KIT: variants seen among roughly 807,000 people sequenced by gnomAD.
KIT encodes the protein KIT proto-oncogene, receptor tyrosine kinase.
A neutral mutation model predicts 105.7 loss-of-function variants in KIT; 16 were observed. The ratio of observed to expected loss-of-function variants is 0.15; its 90% CI spans 0.10 to 0.23. The LOEUF (loss-of-function observed/expected upper bound fraction) is 0.23, where lower values mean the gene tolerates loss of function less well. Among genes scored for constraint, KIT ranks in the 10% least tolerant of loss-of-function variants. The probability of loss-of-function intolerance (pLI) is 1.00; values close to 1 mark genes in which losing one functional copy is unlikely to be tolerated. For synonymous variants in KIT, 438 were observed against 441.1 expected (o/e 0.99, Z 0.09); for missense variants, 858 against 1,213.8 (o/e 0.71, Z 4.36).
chr4:54,688,396 T>C (rs1719465906), intron 1 of KIT, among the ~76,000 whole-genome samples: 1 of 151,870 alleles, frequency 6.6e-6, no homozygotes, highest in African/African-American at 2.4e-5. Context: ...CCAGTCACAG[T>C]TCTTCCTGCT....
rs1722352667 is a variant in KIT, at chr4:54,728,045, G to A, written c.1914G>A (p.Met638Ile). Residue 638 changes from methionine to isoleucine, a missense_variant, in exon 13 of 21, where the codon ATG becomes ATA. Met to Ile is a conservative substitution (Grantham distance 10). This residue lies in a region of KIT where 158 missense variants were observed against 218.7 expected (regional missense o/e 0.72). Coordinates refer to ENST00000288135, the MANE Select transcript of KIT (RefSeq NM_000222.3). ...ATTTGACAGAACGGGAAGCCCTCAT[G>A]TCTGAACTCAAAGTCCTGAGTTACC... ...SAHLTEREAL[M>I]SELKVLSYLG... 2.5e-6 allele frequency: 4 copies of A among 1,614,058 alleles called. No individual in the cohort carries two copies. The highest frequency in any genetic ancestry group is 3.4e-6 in the Non-Finnish European group (4 of 1,179,970).
At position 54,703,874 on chromosome 4, in the gene KIT, A is replaced by T; in HGVS notation, c.907A>T (p.Thr303Ser). Residue 303 changes from threonine to serine, a missense_variant, in exon 5 of 21, where the codon ACA (threonine) becomes TCA (serine). Around this residue, in one of 7 missense-constraint regions of KIT, gnomAD observed 401 missense variants for 601.0 expected, o/e 0.67. Coordinates refer to ENST00000288135, the MANE Select transcript of KIT (RefSeq NM_000222.3). ...TACTTTTGGATCAGCAAATGTCACA[A>T]CAACCTTGGAAGTAGTAGGTAAATA... The part of the protein sequence containing the change: ...NNTFGSANVT[T>S]TLEVVDKGFI... 1 of 1,613,718 alleles carries T rather than the reference A, an allele frequency of 6.2e-7. No homozygotes were observed. The highest frequency in any genetic ancestry group is 8.5e-7 in the Non-Finnish European group (1 of 1,179,596).
rs1206300879 is a variant in KIT at position 54,727,550 on chromosome 4, T to C, written c.1774+8T>C. The C allele has an allele frequency of 1.2e-6, 2 of 1,613,942 alleles. No individual in the cohort carries two copies. The highest frequency in any genetic ancestry group is 1.7e-6 in the Non-Finnish European group (2 of 1,179,972). ...GAAACAGGCTGAGTTTTGGTCAGTA[T>C]GAAACAGGGGCTTTCCATGTCACCT... On this transcript the variant is annotated splice_region_variant and intron_variant, in intron 11 of 20. Coordinates refer to ENST00000288135, the MANE Select transcript of KIT (RefSeq NM_000222.3).
chr4:54,699,875 A>G (rs977160132), intron 4 of KIT, 109 bp downstream of exon 4: 3 of 1,191,648 alleles, frequency 2.5e-6, no homozygotes, highest in South Asian at 1.2e-5. Context: ...CGTCTGTCAG[A>G]GGTGGATTGT....
chr4:54,720,292 A>G (rs1168792706), intron 7 of KIT, among the ~76,000 whole-genome samples: 1 of 152,192 alleles, frequency 6.6e-6, no homozygotes, highest in Non-Finnish European at 1.5e-5. Flanking sequence ...CAGCAGGACA[A>G]AAGCTGCTCA....
At chr4:54,693,433 G>C (rs1305183833) in intron 1 of KIT, among the ~76,000 whole-genome samples, 1 of 151,990 alleles carries the variant, frequency 6.6e-6, no homozygotes, top group African/African-American at 2.4e-5. Flanking sequence ...TCAATGCTTG[G>C]TTGGTTCCTC....
chr4:54,692,060 G>C (rs2703466), intron 1 of KIT, among the ~76,000 whole-genome samples: 5,835 of 152,250 alleles, frequency 0.038, 387 homozygotes, highest in African/African-American at 0.13. Context: ...CCAAAACATA[G>C]TTCTAAGAGC....
chr4:54,700,061 TAAA>T (rs978352922), intron 4 of KIT, among the ~76,000 whole-genome samples: 1 of 152,212 alleles, frequency 6.6e-6, no homozygotes, highest in Non-Finnish European at 1.5e-5. Context: ...GTTAGGGACT[TAAA>T]AAACATGGTT....
chr4:54,705,421 T>C (rs1468899951), intron 5 of KIT, among the ~76,000 whole-genome samples: 1 of 152,202 alleles, frequency 6.6e-6, no homozygotes, highest in Non-Finnish European at 1.5e-5. Flanking sequence ...TTGGTATCAC[T>C]CTTTTTTTAA....
chr4:54,683,513 C>T (rs753311646), intron 1 of KIT, among the ~76,000 whole-genome samples: 1 of 152,144 alleles, frequency 6.6e-6, no homozygotes, highest in Non-Finnish European at 1.5e-5. Flanking sequence ...ACCCCCAAAA[C>T]CCAAGTGTAA....
chr4:54,727,560 G>A lies in KIT; in HGVS notation c.1774+18G>A, dbSNP rs1722317739. 1 of 1,613,958 alleles carries A rather than the reference G, an allele frequency of 6.2e-7. No individual in the cohort carries two copies. The highest frequency in any genetic ancestry group is 1.1e-5 in the South Asian group (1 of 91,072). On this transcript the variant is annotated intron_variant, in intron 11 of 20. Coordinates refer to ENST00000288135, the MANE Select transcript of KIT (RefSeq NM_000222.3). ...GAGTTTTGGTCAGTATGAAACAGGG[G>A]CTTTCCATGTCACCTTTTTGGGTAC...
At chr4:54,665,278 C>T (rs1263419727) in intron 1 of KIT, among the ~76,000 whole-genome samples, 1 of 152,138 alleles carries the variant, frequency 6.6e-6, no homozygotes, top group Non-Finnish European at 1.5e-5. Context: ...TTCTGTTTAC[C>T]TGTTCCTCCT....
At chr4:54,661,061 T>C (rs1717226450) in intron 1 of KIT, among the ~76,000 whole-genome samples, 1 of 152,150 alleles carries the variant, frequency 6.6e-6, no homozygotes, top group African/African-American at 2.4e-5. Context: ...GTTAGCTATC[T>C]CATTCCAGTT....
rs374483663 is a variant in KIT, at chr4:54,695,807, T to C, written c.337+26T>C. Reference sequence around the variant, plus strand: ...GTAAATGCTTGGCTTTCTGCAGTGCTGTGCTTTCAAGAATTTAATATCCTG... The same window carrying C: ...GTAAATGCTTGGCTTTCTGCAGTGCCGTGCTTTCAAGAATTTAATATCCTG... On this transcript the variant is annotated intron_variant, in intron 2 of 20. Coordinates refer to ENST00000288135, the MANE Select transcript of KIT (RefSeq NM_000222.3). 1.9e-6 allele frequency: 3 copies of C among 1,613,870 alleles called. No individual in the cohort carries two copies. The African/African-American group carries it at 4.0e-5, about 22-fold the overall frequency.
chr4:54,688,480 T>C (rs1298163843), intron 1 of KIT, among the ~76,000 whole-genome samples: 7 of 151,932 alleles, frequency 4.6e-5, no homozygotes, highest in South Asian at 2.1e-4. Flanking sequence ...TAGTTCCTTA[T>C]ATTTGTGTCC....
At chr4:54,720,480 C>G (rs1207858325) in intron 7 of KIT, among the ~76,000 whole-genome samples, 1 of 152,162 alleles carries the variant, frequency 6.6e-6, no homozygotes, top group African/African-American at 2.4e-5. Context: ...GTAACCAAAG[C>G]TAAATGGAAT....
Position 54,727,549 on chromosome 4 carries a change from A to G in KIT, c.1774+7A>G, listed in dbSNP as rs1310181400. On this transcript the variant is annotated splice_region_variant and intron_variant, in intron 11 of 20. Coordinates refer to ENST00000288135, the MANE Select transcript of KIT (RefSeq NM_000222.3). ...AGAAACAGGCTGAGTTTTGGTCAGT[A>G]TGAAACAGGGGCTTTCCATGTCACC... 6.2e-7 allele frequency: 1 copy of G among 1,614,068 alleles called. No individual in the cohort carries two copies. The highest frequency in any genetic ancestry group is 1.3e-5 in the African/African-American group (1 of 75,046).
At position 54,731,863 on chromosome 4, in the gene KIT, C is replaced by T. The variant is rs199817515; in HGVS notation, c.2234-8C>T. 331 of 1,613,176 alleles carry T rather than the reference C, an allele frequency of 2.1e-4. 3 individuals carry two copies. The Admixed American group carries it at 5.4e-3, about 26-fold the overall frequency. ...TAATTGCTAAGAAAAATCCTCTCTT[C>T]CTCACAGGCTCATACATAGAAAGAG... On this transcript the variant is annotated splice_region_variant and splice_polypyrimidine_tract_variant and intron_variant, in intron 15 of 20. Transcript: ENST00000288135.
chr4:54,736,757 A>G lies in KIT; in HGVS notation c.2633A>G (p.Lys878Arg), dbSNP rs1379854779. 5 of 1,614,056 alleles carry G rather than the reference A, an allele frequency of 3.1e-6. No individual in the cohort carries two copies. In the African/African-American group the frequency reaches 5.3e-5, roughly 17 times the overall value. ...TATCCTGGAATGCCGGTCGATTCTAAGTTCTACAAGATGATCAAGGAAGGC... is the reference window on the plus strand; with the variant it reads ...TATCCTGGAATGCCGGTCGATTCTAGGTTCTACAAGATGATCAAGGAAGGC... Reference protein sequence around the residue: ...SPYPGMPVDSKFYKMIKEGFR... With the variant: ...SPYPGMPVDSRFYKMIKEGFR... Residue 878 changes from lysine (K) to arginine (R), a missense_variant, in exon 19 of 21, where the codon AAG (lysine) becomes AGG (arginine). Physicochemically the swap from Lys to Arg is conservative, Grantham distance 26. This residue lies in a region of KIT where 63 missense variants were observed against 137.4 expected (regional missense o/e 0.46). Transcript: ENST00000288135.
Sources: gnomAD v4.1 joint callset for allele counts (sites outside exome capture counted in the v4.1 genomes callset) on GRCh38, gnomAD v4.1.1 for gene constraint, gnomAD v4.1.1 regional missense constraint, MANE v1.5 for transcripts, NCBI Gene and HGNC (gene_info 2026-07-23, HGNC 2026-07-21) for gene names.